Variants in PDE4D observed in about 807,000 individuals in gnomAD.
PDE4D encodes the protein phosphodiesterase 4D, also known as 3',5'-cyclic-AMP phosphodiesterase 4D.
PDE4D carries 24 observed loss-of-function variants against 87.4 expected under a neutral mutation model. The observed-to-expected ratio is 0.27, with a 90% confidence interval of 0.20 to 0.39. The LOEUF (loss-of-function observed/expected upper bound fraction) is 0.39, where lower values mean the gene tolerates loss of function less well. Ranked by LOEUF, PDE4D falls within the 10% of genes least tolerant of loss-of-function variation. PDE4D has a pLI of 1.00. For missense variants in PDE4D, 714 were observed against 1,041.0 expected (o/e 0.69, Z 4.32); for synonymous variants, 384 against 383.2 (o/e 1.00, Z -0.02).
At chr5:60,258,249 A>G (rs1562265349) in intron 1 of PDE4D, among the ~76,000 whole-genome samples, 1 of 151,996 alleles carries the variant, frequency 6.6e-6, no homozygotes, top group Non-Finnish European at 1.5e-5. Context: ...CAGTCCCTGC[A>G]GGAAATAGCA....
intron 5 of PDE4D, among the ~76,000 whole-genome samples, chr5:59,113,933 C>T (rs1773116917): frequency 6.6e-6 from 1 of 152,204 alleles, no homozygotes. Context: ...AACTAGGCCA[C>T]TGTTACTGCT....
chr5:59,071,952 G>C (rs913103418), intron 5 of PDE4D, among the ~76,000 whole-genome samples: 5 of 152,088 alleles, frequency 3.3e-5, no homozygotes, highest in African/African-American at 1.2e-4. Context: ...GCCTCCCGAA[G>C]TGTTGGGATT....
intron 1 of PDE4D, among the ~76,000 whole-genome samples, chr5:59,287,621 T>C (rs995254617): frequency 4.0e-5 from 6 of 151,896 alleles, no homozygotes; most frequent in Non-Finnish European, 7.4e-5. Flanking sequence ...CCCAGTGCTA[T>C]GCTGGCTTCA....
At chr5:58,999,027 T>C (rs1368257952) in intron 6 of PDE4D, among the ~76,000 whole-genome samples, 9 of 152,210 alleles carry the variant, frequency 5.9e-5, no homozygotes. Context: ...AATGTCAATT[T>C]TTAATGTCAC....
At chr5:59,337,446 C>A (rs145498434) in intron 1 of PDE4D, among the ~76,000 whole-genome samples, 1 of 150,872 alleles carries the variant, frequency 6.6e-6, no homozygotes, top group Admixed American at 6.6e-5. Context: ...CATTCTCCTG[C>A]GTCAGCCTAA....
intron 1 of PDE4D, among the ~76,000 whole-genome samples, chr5:59,667,683 T>C (rs1013896979): frequency 1.3e-5 from 2 of 152,222 alleles, no homozygotes; most frequent in African/African-American, 4.8e-5. Flanking sequence ...TGTAATATGG[T>C]ATCAAAACTT....
At chr5:60,191,402 G>A (rs1297732491) in intron 1 of PDE4D, among the ~76,000 whole-genome samples, 2 of 152,120 alleles carry the variant, frequency 1.3e-5, no homozygotes, top group African/African-American at 2.4e-5. Flanking sequence ...TCTCATGATA[G>A]TGGGTGAGTT....
chr5:59,934,929 A>G (rs545385952), intron 3 of PDE4D, among the ~76,000 whole-genome samples: 9 of 152,318 alleles, frequency 5.9e-5, no homozygotes, highest in Admixed American at 5.9e-4. Flanking sequence ...TGGAGAGACG[A>G]CAATTTTCAA....
At chr5:59,488,943 G>T (rs73097366) in intron 1 of PDE4D, among the ~76,000 whole-genome samples, 1 of 152,172 alleles carries the variant, frequency 6.6e-6, no homozygotes, top group South Asian at 2.1e-4. Context: ...TGTGGTAAAT[G>T]AGCTTTGAAG....
At chr5:59,041,264 A>G (rs1016535076) in intron 5 of PDE4D, among the ~76,000 whole-genome samples, 1 of 152,236 alleles carries the variant, frequency 6.6e-6, no homozygotes, top group Non-Finnish European at 1.5e-5. Flanking sequence ...TGCTTGTTAT[A>G]AAAATTGAAG....
intron 1 of PDE4D, among the ~76,000 whole-genome samples, chr5:59,395,468 G>T (rs1165040633): frequency 6.6e-6 from 1 of 152,186 alleles, no homozygotes; most frequent in Non-Finnish European, 1.5e-5. Context: ...TCCAGCAGGG[G>T]CAGGCTGACA....
intron 1 of PDE4D, among the ~76,000 whole-genome samples, chr5:59,836,353 G>C (rs1267823625): frequency 6.6e-6 from 1 of 151,582 alleles, no homozygotes; most frequent in African/African-American, 2.4e-5. Flanking sequence ...GTATTTCTTT[G>C]GAGTAAAAAC....
rs916532833 is a variant in PDE4D at position 60,004,259 on chromosome 5, C to T, written c.43-15542G>A. Among the ~76,000 whole-genome samples, 72 of 152,100 alleles carry T rather than the reference C, an allele frequency of 4.7e-4. 1 individual carries two copies. The highest frequency in any genetic ancestry group is 1.7e-3 in the African/African-American group (70 of 41,520). On this transcript the variant is annotated intron_variant, in intron 2 of 16. Transcript: ENST00000502484. ...TGGATGATAGAAAATATTTGCAAACCATACATAGTTTTACCTTGGTATCCA... is the reference window on the plus strand; with the variant it reads ...TGGATGATAGAAAATATTTGCAAACTATACATAGTTTTACCTTGGTATCCA...
chr5:59,242,355 A>G (rs1757850353), intron 1 of PDE4D, among the ~76,000 whole-genome samples: 1 of 152,130 alleles, frequency 6.6e-6, no homozygotes. Context: ...CAGGAGAATC[A>G]CTATTCTATT....
intron 1 of PDE4D, among the ~76,000 whole-genome samples, chr5:59,891,787 T>TCACACACA (rs55796463): frequency 0.35 from 52,996 of 150,226 alleles, 11,048 homozygotes; most frequent in Admixed American, 0.47. Flanking sequence ...AGAGACATGC[T>TCACACACA]CACACACACA....
At chr5:59,263,032 C>T (rs1331278134) in intron 1 of PDE4D, among the ~76,000 whole-genome samples, 3 of 151,710 alleles carry the variant, frequency 2.0e-5, no homozygotes, top group Non-Finnish European at 4.4e-5. Context: ...AGGGAAGAGG[C>T]AAAAATCCTC....
chr5:59,236,468 C>G (rs1756447689), intron 1 of PDE4D, among the ~76,000 whole-genome samples: 1 of 152,168 alleles, frequency 6.6e-6, no homozygotes, highest in African/African-American at 2.4e-5. Context: ...AAAGCTGAAG[C>G]TGGATCCAGG....
At chr5:60,266,552 G>A (rs1037057246) in intron 1 of PDE4D, among the ~76,000 whole-genome samples, 3 of 152,210 alleles carry the variant, frequency 2.0e-5, no homozygotes, top group Admixed American at 1.3e-4. Flanking sequence ...CTGTGCCTGA[G>A]AGGATGCTTG....
intron 5 of PDE4D, among the ~76,000 whole-genome samples, chr5:59,090,758 G>A (rs1465093043): frequency 1.4e-5 from 2 of 145,700 alleles, no homozygotes; most frequent in East Asian, 2.0e-4. Context: ...CGGGACCTTC[G>A]TTGAGTGCTC....
Sources: gnomAD v4.1 joint callset for allele counts (sites outside exome capture counted in the v4.1 genomes callset) on GRCh38, gnomAD v4.1.1 for gene constraint, MANE v1.5 for transcripts, NCBI Gene and HGNC (gene_info 2026-07-23, HGNC 2026-07-21) for gene names.